LASP1: variants seen among roughly 807,000 people sequenced by gnomAD.
The protein encoded by LASP1 is LIM and SH3 protein 1, also known as LIM and SH3 domain protein 1.
Under a neutral mutation model 38.6 loss-of-function variants are expected in LASP1, and 10 were observed. That is an observed-to-expected ratio of 0.26 (90% CI 0.16 to 0.44). The LOEUF is 0.44. LASP1 is among the 20% of genes least tolerant of loss of function. LASP1 has a pLI of 1.00. For missense variants in LASP1, 243 were observed against 375.7 expected (o/e 0.65, Z 2.92); for synonymous variants, 132 against 140.8 (o/e 0.94, Z 0.44).
rs1192343434 is a variant in LASP1 at position 38,918,859 on chromosome 17, T to A, written c.*81T>A. 1.3e-6 allele frequency: 2 copies of A among 1,487,128 alleles called. No individual in the cohort carries two copies. Among genetic ancestry groups the A allele is most frequent in the African/African-American group, 2.8e-5 (2 of 72,070 alleles). 92.1% of individuals were successfully genotyped at this position (1,487,128 alleles called of 1,614,324 possible). On this transcript the variant is annotated 3_prime_UTR_variant, in exon 7 of 7. Coordinates refer to ENST00000318008, the MANE Select transcript of LASP1 (RefSeq NM_006148.4). This position sits in a 1 kb window ranked among gnomAD's most constrained non-coding sequence, Gnocchi z 4.4. ...GGCGTGACCCGTCCATTCTTCAGTG[T>A]CTCTGTTTTTTAAAACCTGCGACAG...
At chr17:38,874,683 T>C (rs866467315) in intron 1 of LASP1, among the ~76,000 whole-genome samples, 13 of 152,148 alleles carry the variant, frequency 8.5e-5, no homozygotes, top group African/African-American at 3.1e-4. Context: ...CTGGTTTCCA[T>C]GTTTCTGCTC....
chr17:38,896,530 G>A lies in LASP1; in HGVS notation c.250-1882G>A, dbSNP rs568539844. 9.2e-5 allele frequency among the ~76,000 whole-genome samples: 14 copies of A among 152,350 alleles called. 1 individual carries two copies. The highest frequency in any genetic ancestry group is 6.8e-3 in the Middle Eastern group (2 of 294). On this transcript the variant is annotated intron_variant, in intron 3 of 6. Coordinates refer to ENST00000318008, the MANE Select transcript of LASP1 (RefSeq NM_006148.4). ...GGGAACCTGCTGATGTCATTGCAGC[G>A]TCGCCATGGCGATTATTCCCCTGGA...
At chr17:38,890,058 G>A (rs1187033099) in intron 2 of LASP1, among the ~76,000 whole-genome samples, 2 of 152,138 alleles carry the variant, frequency 1.3e-5, no homozygotes, top group African/African-American at 4.8e-5. Context: ...TCCCCCAGCC[G>A]GGCCCAGTTG....
intron 4 of LASP1, chr17:38,898,867 G>T: frequency 2.4e-6 from 1 of 412,290 alleles, no homozygotes; most frequent in Non-Finnish European, 4.9e-6. Context: ...AAAACTGGGG[G>T]GCGGGGAGCA....
At chr17:38,902,293 T>G in intron 4 of LASP1, among the ~76,000 whole-genome samples, 1 of 150,564 alleles carries the variant, frequency 6.6e-6, no homozygotes. Context: ...ACTCCTGGAT[T>G]CAAGTTATCC....
chr17:38,894,814 T>G (rs1305638855), intron 3 of LASP1, among the ~76,000 whole-genome samples: 1 of 152,162 alleles, frequency 6.6e-6, no homozygotes, highest in Non-Finnish European at 1.5e-5. Flanking sequence ...CTTGGCTCAT[T>G]GCAGCCTTGA....
In LASP1 at chr17:38,918,440, G is replaced by A. The variant is rs571648302; in HGVS notation, c.613-165G>A. ...GTAAAAGATCGATTGCTCTCAGAAA[G>A]CAAGACACAGAGGTTAAGAATCTTT... On this transcript the variant is annotated intron_variant, in intron 6 of 6. Transcript: ENST00000318008. This position sits in a 1 kb window ranked among gnomAD's most constrained non-coding sequence, Gnocchi z 4.4. Among the ~76,000 whole-genome samples, 9 of 152,312 alleles carry A rather than the reference G, an allele frequency of 5.9e-5. No homozygotes were observed. The highest frequency in any genetic ancestry group is 2.2e-4 in the African/African-American group (9 of 41,558).
chr17:38,906,146 C>G (rs1488488143), intron 4 of LASP1, among the ~76,000 whole-genome samples: 2 of 152,116 alleles, frequency 1.3e-5, no homozygotes, highest in Non-Finnish European at 2.9e-5. Flanking sequence ...GATGTTAGAA[C>G]TGGATTCTGA....
intron 6 of LASP1, among the ~76,000 whole-genome samples, chr17:38,917,394 T>TTTTCTTTTTTTTTTCCTC (rs1466027753): frequency 1.2e-4 from 18 of 152,106 alleles, no homozygotes; most frequent in Admixed American, 8.5e-4. Context: ...TAGGATTTAT[T>TTTTCTTTTTTTTTTCCTC]TTTCTTTTTT....
rs1267498181 is a variant in LASP1, at chr17:38,920,901, C to T, written c.*2123C>T. 9 of 232,314 alleles carry T rather than the reference C, an allele frequency of 3.9e-5. No individual in the cohort carries two copies. Among genetic ancestry groups the T allele is most frequent in the Middle Eastern group, 1.3e-3 (1 of 798 alleles). 14.4% of individuals were successfully genotyped at this position (232,314 alleles called of 1,614,324 possible). On this transcript the variant is annotated 3_prime_UTR_variant, in exon 7 of 7. Transcript: ENST00000318008. The stretch of plus-strand genomic sequence containing the variant: ...GGGACCAAAGGTCAGGGACACATCC[C>T]CTTAGAGGACCTGAGTTTGGGAGAG...
At chr17:38,915,977 A>G (rs1162984307) in intron 6 of LASP1, 1 of 152,278 alleles carries the variant, frequency 6.6e-6, no homozygotes, top group Non-Finnish European at 1.5e-5. Context: ...CTCTGGGCAC[A>G]CAAACAAAGG....
intron 4 of LASP1, among the ~76,000 whole-genome samples, chr17:38,911,395 A>G (rs1001370359): frequency 1.3e-5 from 2 of 152,112 alleles, no homozygotes; most frequent in African/African-American, 4.8e-5. Context: ...TGTCCAGATG[A>G]CCTTGGGCAG....
chr17:38,892,731 A>G (rs1025595263), intron 3 of LASP1, among the ~76,000 whole-genome samples: 1 of 152,196 alleles, frequency 6.6e-6, no homozygotes, highest in Non-Finnish European at 1.5e-5. Flanking sequence ...CCCCCTGCCC[A>G]GGATGGGCAG....
rs1244080160 is a variant in LASP1, at chr17:38,919,122, C to T, written c.*344C>T. The T allele has an allele frequency of 2.8e-6, 1 of 359,464 alleles. No individual in the cohort carries two copies. Among genetic ancestry groups the T allele is most frequent in the East Asian group, 4.7e-5 (1 of 21,064 alleles). The allele number at this position is 359,464 out of a possible 1,614,324, so 22.3% of individuals were successfully genotyped here. A position where few individuals can be genotyped will look rare whatever the true frequency, so the allele number is the denominator to read the frequency against. ...TCACATCCTCCTGCCCAGCTCCTCA[C>T]ATACCCACACATTCCAGGGCTGGGG... On this transcript the variant is annotated 3_prime_UTR_variant, in exon 7 of 7. Transcript: ENST00000318008.
At chr17:38,903,909 G>A (rs1462548787) in intron 4 of LASP1, 1 of 152,224 alleles carries the variant, frequency 6.6e-6, no homozygotes, top group African/African-American at 2.4e-5. Flanking sequence ...ATGGGTCCAT[G>A]CTATGGGATA....
intron 3 of LASP1, among the ~76,000 whole-genome samples, chr17:38,896,187 AC>A (rs1914486394): frequency 8.6e-6 from 1 of 116,604 alleles, no homozygotes; most frequent in East Asian, 2.4e-4. Context: ...CACTTCTGCC[AC>A]CCCTTCCATA....
chr17:38,912,335 G>A (rs549835978), intron 4 of LASP1, among the ~76,000 whole-genome samples: 2 of 152,356 alleles, frequency 1.3e-5, no homozygotes, highest in South Asian at 2.1e-4. Flanking sequence ...GAAGGAGAGA[G>A]GGAGCAAGGG....
At chr17:38,899,978 C>A (rs1220295804) in intron 4 of LASP1, among the ~76,000 whole-genome samples, 4 of 151,760 alleles carry the variant, frequency 2.6e-5, no homozygotes, top group African/African-American at 4.8e-5. Flanking sequence ...GATGTGCCCG[C>A]CTTGGCCTCC....
At position 38,919,622 on chromosome 17, in the gene LASP1, AGTGTAG is replaced by A. The variant is rs1418990316; in HGVS notation, c.*846_*851del. On this transcript the variant is annotated 3_prime_UTR_variant, in exon 7 of 7. Transcript: ENST00000318008. ...CCTAGGCTGGAAGCCATGGTCCCGAAGTGTAGGGCAAGGGTGCCTCAGGACCTTTTG... is the reference window on the plus strand; with the variant it reads ...CCTAGGCTGGAAGCCATGGTCCCGAAGGCAAGGGTGCCTCAGGACCTTTTG... The A allele has an allele frequency of 3.5e-6, 1 of 286,372 alleles. No individual in the cohort carries two copies. The highest frequency in any genetic ancestry group is 2.1e-5 in the African/African-American group (1 of 48,080). The allele number at this position is 286,372 out of a possible 1,614,324, so 17.7% of individuals were successfully genotyped here.
Sources: gnomAD v4.1 joint callset for allele counts (sites outside exome capture counted in the v4.1 genomes callset) on GRCh38, gnomAD v4.1.1 for gene constraint, Gnocchi (gnomAD v3.1) non-coding constraint, MANE v1.5 for transcripts, NCBI Gene and HGNC (gene_info 2026-07-23, HGNC 2026-07-21) for gene names.